The following CDH26 variants were observed in gnomAD, a reference collection of about 807,000 sequenced individuals.
The protein encoded by CDH26 is cadherin-like protein 26.
Under a neutral mutation model 90.3 loss-of-function variants are expected in CDH26, and 83 were observed. The observed-to-expected ratio is 0.92, with a 90% CI of 0.77 to 1.10. CDH26 has a LOEUF of 1.10. Among genes scored for constraint, CDH26 ranks in the 50% least tolerant of loss-of-function variants. The pLI, the probability that CDH26 is intolerant of heterozygous loss-of-function variation, is 0.00. For synonymous variants in CDH26, 397 were observed against 396.3 expected (o/e 1.00, Z -0.02); for missense variants, 1,013 against 1,037.6 (o/e 0.98, Z 0.33).
rs370984271 is a variant in CDH26 at position 60,028,717 on chromosome 20, T to C, written c.948-2514T>C. On this transcript the variant is annotated intron_variant, in intron 7 of 8. Transcript: ENST00000370991. ...TGAGGTTGTGGAGACATCTGAACCC[T>C]GGTACACTGCTGATTGGAATGTAAA... Among the ~76,000 whole-genome samples, 4 of 152,178 alleles carry C rather than the reference T, an allele frequency of 2.6e-5. No homozygotes were observed. The East Asian group carries it at 7.7e-4, about 29-fold the overall frequency.
chr20:59,960,555 C>T (rs941313242), intron 1 of CDH26, among the ~76,000 whole-genome samples: 1 of 152,204 alleles, frequency 6.6e-6, no homozygotes, highest in Admixed American at 6.5e-5. Context: ...TAAAACCTTA[C>T]ACAAAAAATA....
chr20:59,967,894 TTCC>T (rs1337037626), intron 1 of CDH26, among the ~76,000 whole-genome samples: 6 of 124,740 alleles, frequency 4.8e-5, no homozygotes, highest in South Asian at 2.4e-4. Flanking sequence ...CCTTCCTTCC[TTCC>T]TTCCTTCCTT....
In CDH26 at chr20:59,969,523, T is replaced by C. The variant is rs186172230; in HGVS notation, c.126+500T>C. Among the ~76,000 whole-genome samples, 8 of 152,368 alleles carry C rather than the reference T, an allele frequency of 5.3e-5. No homozygotes were observed. In the East Asian group the frequency reaches 1.3e-3, roughly 26 times the overall value. Reference sequence around the variant, plus strand: ...AACTTCACTTATAATAGATGGTAACTGTGAAAATATATAATGCAAACAAAA... The same window carrying C: ...AACTTCACTTATAATAGATGGTAACCGTGAAAATATATAATGCAAACAAAA... On this transcript the variant is annotated intron_variant, in intron 2 of 17. Transcript: ENST00000348616.
At position 59,992,388 on chromosome 20, in the gene CDH26, GT is replaced by G. The variant is rs1327719942; in HGVS notation, c.1296del (p.His433MetfsTer29). The G allele has an allele frequency of 1.2e-6, 2 of 1,613,860 alleles. No homozygotes were observed. Among genetic ancestry groups the G allele is most frequent in the Non-Finnish European group, 1.7e-6 (2 of 1,179,948 alleles). ...TTTTCCTTCTACAAGATATGAACTG[GT>G]TCATGACCCAGCAAATTGGGTCAGC... ...DPDSQIRYEL[V>X]HDPANWVSVD... is the part of the protein sequence containing the mutation. On this transcript the variant is annotated frameshift_variant, in exon 10 of 18. Coordinates refer to ENST00000348616, the MANE Select transcript of CDH26 (RefSeq NM_177980.4). LOFTEE classifies it high-confidence loss of function. The surrounding 1 kb of genome is among the most constrained non-coding windows in gnomAD (Gnocchi z 5.0).
intron 11 of CDH26, among the ~76,000 whole-genome samples, chr20:59,994,804 G>A (rs1410120369): frequency 2.0e-5 from 3 of 152,136 alleles, no homozygotes; most frequent in Non-Finnish European, 4.4e-5. Context: ...TCACTGTTTG[G>A]CCTGGGTCAG....
rs563729380 is a variant in CDH26, at chr20:59,992,230, C to G, written c.1284-148C>G. 31 of 750,888 alleles carry G rather than the reference C, an allele frequency of 4.1e-5. No individual in the cohort carries two copies. The African/African-American group carries it at 5.3e-4, about 13-fold the overall frequency. The allele number at this position is 750,888 out of a possible 1,614,324, so 46.5% of individuals were successfully genotyped here. ...CCATTCCTTTCGTGAATTAAACACT[C>G]TCGTAGTTTAATTGCTCTTAGAATT... is the stretch of plus-strand genomic sequence containing the variant. On this transcript the variant is annotated intron_variant, in intron 9 of 17. Transcript: ENST00000348616. This position sits in a 1 kb window ranked among gnomAD's most constrained non-coding sequence, Gnocchi z 5.0.
chr20:60,022,322 A>G (rs2061964703), intron 7 of CDH26, among the ~76,000 whole-genome samples: 1 of 152,262 alleles, frequency 6.6e-6, no homozygotes, highest in Admixed American at 6.5e-5. Context: ...TATTATGAAC[A>G]TTAGCCTCCA....
intron 13 of CDH26, among the ~76,000 whole-genome samples, chr20:59,998,095 T>C (rs1225481548): frequency 1.3e-5 from 2 of 152,196 alleles, no homozygotes; most frequent in Non-Finnish European, 2.9e-5. Context: ...GTAAACTTGA[T>C]TTGTTGTGTA....
intron 16 of CDH26, 40 bp downstream of exon 16, chr20:60,002,906 T>C: frequency 7.0e-7 from 1 of 1,421,052 alleles, no homozygotes; most frequent in Non-Finnish European, 9.6e-7. Flanking sequence ...CAAATTTACC[T>C]TATTGTTCTG....
chr20:59,970,611 C>G (rs1014677176), intron 3 of CDH26, among the ~76,000 whole-genome samples: 5 of 151,496 alleles, frequency 3.3e-5, no homozygotes, highest in South Asian at 2.1e-4. Context: ...GAGATCGAGC[C>G]CATCCTGGCC....
At chr20:60,011,739 C>T (rs1201274664) in intron 17 of CDH26, among the ~76,000 whole-genome samples, 1 of 152,116 alleles carries the variant, frequency 6.6e-6, no homozygotes, top group Non-Finnish European at 1.5e-5. Context: ...GTGCGCACTG[C>T]ACTTGGCGAG....
intron 1 of CDH26, among the ~76,000 whole-genome samples, chr20:59,965,703 C>T (rs1043505531): frequency 6.6e-6 from 1 of 152,164 alleles, no homozygotes; most frequent in Admixed American, 6.5e-5. Context: ...TAACCTGGAA[C>T]AGATAATTGT....
At chr20:60,028,095 C>G (rs1296161629) in intron 7 of CDH26, among the ~76,000 whole-genome samples, 2 of 152,126 alleles carry the variant, frequency 1.3e-5, no homozygotes, top group African/African-American at 4.8e-5. Context: ...ACTGTTTTGC[C>G]ACCTGGGTAG....
intron 7 of CDH26, among the ~76,000 whole-genome samples, chr20:60,026,438 G>A (rs1964579480): frequency 1.3e-5 from 2 of 151,324 alleles, no homozygotes; most frequent in Middle Eastern, 6.8e-3. Context: ...GAGAAGAGGA[G>A]GCAGAAGGGA....
intron 11 of CDH26, 63 bp downstream of exon 11, chr20:59,994,552 T>C: frequency 6.3e-7 from 1 of 1,583,078 alleles, no homozygotes; most frequent in Non-Finnish European, 8.6e-7. Flanking sequence ...TTCAAACAGA[T>C]TTAGGCAAAA....
chr20:60,002,117 A>T (rs901244802), intron 15 of CDH26, among the ~76,000 whole-genome samples: 1 of 152,238 alleles, frequency 6.6e-6, no homozygotes, highest in Non-Finnish European at 1.5e-5. Context: ...CAGGGTCTAA[A>T]GAGCCATAGA....
In CDH26 at chr20:59,968,973, A is replaced by G; in HGVS notation, c.76A>G (p.Ile26Val). The G allele has an allele frequency of 1.9e-6, 3 of 1,557,990 alleles. No individual in the cohort carries two copies. Among genetic ancestry groups the G allele is most frequent in the Non-Finnish European group, 2.7e-6 (3 of 1,131,072 alleles). ...TATTATTTTTATTTTTAAGGTCAGT[A>G]TCATTGACAGTGTTCAACAGGAAAC... ...VLLLWLLQVS[I>V]IDSVQQETDD... The change falls in exon 2 of 18, where the codon ATC (isoleucine) becomes GTC (valine). Residue 26 changes from isoleucine (I) to valine (V), a missense_variant. Physicochemically the swap from Ile to Val is conservative, Grantham distance 29. Coordinates refer to ENST00000348616, the MANE Select transcript of CDH26 (RefSeq NM_177980.4).
At chr20:59,996,224 T>C (rs2061595501) in intron 12 of CDH26, 170 bp downstream of exon 12, 3 of 996,398 alleles carry the variant, frequency 3.0e-6, no homozygotes, top group East Asian at 2.6e-5. Flanking sequence ...GAGGTTGCCA[T>C]GCTGGCCAGG....
intron 17 of CDH26, among the ~76,000 whole-genome samples, chr20:60,011,376 T>A (rs2061838395): frequency 6.6e-6 from 1 of 152,258 alleles, no homozygotes; most frequent in Non-Finnish European, 1.5e-5. Flanking sequence ...GTTAATTAGC[T>A]TTTGGCTTTA....
Sources: allele counts gnomAD v4.1 joint callset (sites outside exome capture counted in the v4.1 genomes callset), GRCh38; gene constraint gnomAD v4.1.1; non-coding constraint Gnocchi (gnomAD v3.1); transcripts MANE v1.5; gene names NCBI Gene and HGNC (gene_info 2026-07-23, HGNC 2026-07-21).